Variants in GALNT13 observed in about 807,000 individuals in gnomAD.
GALNT13 encodes UDP-GalNAc:polypeptide N-acetylgalactosaminyltransferase 13.
In GALNT13, 28 loss-of-function variants were observed where a neutral mutation model predicts 64.2. The ratio of observed to expected loss-of-function variants is 0.44; its 90% CI spans 0.32 to 0.60. The LOEUF is 0.60. Ranked by LOEUF, GALNT13 falls within the 20% of genes least tolerant of loss-of-function variation. The probability of loss-of-function intolerance (pLI) is 0.05; values close to 1 mark genes in which losing one functional copy is unlikely to be tolerated. For synonymous variants in GALNT13, 214 were observed against 224.6 expected, an observed-to-expected ratio of 0.95 and a Z score of 0.42; for missense variants, 577 against 669.8, an observed-to-expected ratio of 0.86 and a Z score of 1.53.
At chr2:153,962,177 G>T (rs958294499) in intron 3 of GALNT13, among the ~76,000 whole-genome samples, 5 of 152,098 alleles carry the variant, frequency 3.3e-5, no homozygotes, top group Non-Finnish European at 7.4e-5. Flanking sequence ...CACATTTATA[G>T]CCTGGAGATG....
chr2:154,115,501 AC>A (rs1703244647), intron 3 of GALNT13, among the ~76,000 whole-genome samples: 2 of 151,974 alleles, frequency 1.3e-5, no homozygotes, highest in Admixed American at 1.3e-4. Context: ...GCTCACTGCA[AC>A]TTCTGCCTCC....
intron 3 of GALNT13, among the ~76,000 whole-genome samples, chr2:154,075,941 A>T (rs766246164): frequency 6.6e-6 from 1 of 151,668 alleles, no homozygotes; most frequent in African/African-American, 2.4e-5. Flanking sequence ...ATTTATATTG[A>T]CACATTTATT....
chr2:153,304,481 C>T, the GALNT13 span, among the ~76,000 whole-genome samples: 1 of 152,104 alleles, frequency 6.6e-6, no homozygotes, highest in Non-Finnish European at 1.5e-5. Context: ...AAAATTGATG[C>T]TTAAACTGAG....
At chr2:153,629,553 A>AAACCT in the GALNT13 span, among the ~76,000 whole-genome samples, 1 of 152,208 alleles carries the variant, frequency 6.6e-6, no homozygotes, top group African/African-American at 2.4e-5. Context: ...CCCTAGAAGA[A>AAACCT]AACCTAGTCA....
rs1700544094 is a variant in GALNT13, at chr2:154,067,770, G to T, written c.143-72567G>T. 1.3e-5 allele frequency among the ~76,000 whole-genome samples: 2 copies of T among 151,992 alleles called. 1 individual carries two copies. The highest frequency in any genetic ancestry group is 1.3e-4 in the Admixed American group (2 of 15,258). ...ACTTGAAACTATGAAATTACTAAAA[G>T]AAAAATTTAGGGAAACTCTCCAAGA... is the stretch of plus-strand genomic sequence containing the variant. On this transcript the variant is annotated intron_variant, in intron 3 of 12. Transcript: ENST00000392825.
chr2:154,279,942 A>G (rs1691869564), intron 8 of GALNT13, among the ~76,000 whole-genome samples: 1 of 152,122 alleles, frequency 6.6e-6, no homozygotes, highest in Admixed American at 6.5e-5. Context: ...TATATAGCAA[A>G]AAAAAAAGTG....
At chr2:154,030,603 C>T (rs1239628912) in intron 3 of GALNT13, among the ~76,000 whole-genome samples, 1 of 151,916 alleles carries the variant, frequency 6.6e-6, no homozygotes, top group Non-Finnish European at 1.5e-5. Flanking sequence ...CCACCGAAAT[C>T]TCACATCAAA....
At chr2:153,691,982 A>G in the GALNT13 span, among the ~76,000 whole-genome samples, 30 of 152,280 alleles carry the variant, frequency 2.0e-4, no homozygotes, top group Non-Finnish European at 3.7e-4. Flanking sequence ...CCCAAACACC[A>G]TTTTGGAGAA....
At chr2:153,101,904 A>G in the GALNT13 span, among the ~76,000 whole-genome samples, 1 of 152,254 alleles carries the variant, frequency 6.6e-6, no homozygotes, top group Non-Finnish European at 1.5e-5. Context: ...ATTATTAGGA[A>G]TTTGAATACT....
At chr2:153,128,549 A>C in the GALNT13 span, among the ~76,000 whole-genome samples, 2 of 152,146 alleles carry the variant, frequency 1.3e-5, no homozygotes, top group African/African-American at 4.8e-5. Flanking sequence ...CATATCAGCT[A>C]GGGGCTTTGC....
chr2:153,734,434 G>A, the GALNT13 span, among the ~76,000 whole-genome samples: 1 of 152,072 alleles, frequency 6.6e-6, no homozygotes, highest in Non-Finnish European at 1.5e-5. Context: ...TTTAGTGTAG[G>A]CAAACAAGAA....
rs1023184781 is a variant in GALNT13 at position 154,245,989 on chromosome 2, A to G, written c.857+7A>G. 1 of 1,598,254 alleles carries G rather than the reference A, an allele frequency of 6.3e-7. No individual in the cohort carries two copies. The highest frequency in any genetic ancestry group is 8.6e-7 in the Non-Finnish European group (1 of 1,166,848). ...ACAGAACATTACCTGTCAGGTATGTAGATCATATCTCTTGAAGATTATGTA... is the reference window on the plus strand; with the variant it reads ...ACAGAACATTACCTGTCAGGTATGTGGATCATATCTCTTGAAGATTATGTA... On this transcript the variant is annotated splice_region_variant and intron_variant, in intron 7 of 12. Transcript: ENST00000392825.
chr2:153,758,901 A>G, the GALNT13 span, among the ~76,000 whole-genome samples: 1 of 152,266 alleles, frequency 6.6e-6, no homozygotes, highest in Non-Finnish European at 1.5e-5. Flanking sequence ...TAATAGTGAC[A>G]TTTTAACAAT....
At chr2:153,991,549 A>G (rs1007075351) in intron 3 of GALNT13, among the ~76,000 whole-genome samples, 1 of 152,156 alleles carries the variant, frequency 6.6e-6, no homozygotes. Flanking sequence ...TTAAAAATAT[A>G]TAATGAACCA....
chr2:154,418,734 A>G (rs1473810480), intron 11 of GALNT13, among the ~76,000 whole-genome samples: 1 of 152,220 alleles, frequency 6.6e-6, no homozygotes, highest in African/African-American at 2.4e-5. Flanking sequence ...TTAAGGGCTC[A>G]CAAAGAAAAT....
the GALNT13 span, among the ~76,000 whole-genome samples, chr2:153,771,895 C>G: frequency 6.6e-6 from 1 of 152,116 alleles, no homozygotes; most frequent in South Asian, 2.1e-4. Context: ...GGACCATACT[C>G]CCAATTCAGG....
At chr2:153,242,924 T>C in the GALNT13 span, among the ~76,000 whole-genome samples, 1 of 152,224 alleles carries the variant, frequency 6.6e-6, no homozygotes, top group African/African-American at 2.4e-5. Context: ...CTGTTCTGTT[T>C]TGCATTGCAT....
At chr2:153,812,332 T>C in the GALNT13 span, among the ~76,000 whole-genome samples, 1 of 152,206 alleles carries the variant, frequency 6.6e-6, no homozygotes, top group African/African-American at 2.4e-5. Flanking sequence ...AAAGGCAAAA[T>C]TATGGAACAA....
the GALNT13 span, among the ~76,000 whole-genome samples, chr2:153,080,890 CTTT>C: frequency 1.3e-5 from 2 of 151,754 alleles, no homozygotes; most frequent in Admixed American, 6.6e-5. Flanking sequence ...TCCTTTAATG[CTTT>C]TTGTTTTGAA....
Sources: gnomAD v4.1 joint callset for allele counts (sites outside exome capture counted in the v4.1 genomes callset) on GRCh38, gnomAD v4.1.1 for gene constraint, MANE v1.5 for transcripts, NCBI Gene and HGNC (gene_info 2026-07-23, HGNC 2026-07-21) for gene names.